Variants in PAM observed in about 807,000 individuals in gnomAD.
The protein encoded by PAM is peptidyl-glycine alpha-amidating monooxygenase.
PAM carries 72 observed loss-of-function variants against 122.1 expected under a neutral mutation model. The observed-to-expected ratio is 0.59, with a 90% CI of 0.49 to 0.72. The LOEUF is 0.72. PAM is among the 30% of genes least tolerant of loss of function. The pLI, the probability that PAM is intolerant of heterozygous loss-of-function variation, is 0.00. For missense variants in PAM, 1,106 were observed against 1,183.7 expected (o/e 0.93, Z 0.96); for synonymous variants, 389 against 404.4 (o/e 0.96, Z 0.46).
intron 1 of PAM, among the ~76,000 whole-genome samples, chr5:102,771,990 C>T (rs950005497): frequency 1.3e-5 from 2 of 152,098 alleles, no homozygotes; most frequent in Non-Finnish European, 2.9e-5. Context: ...AGAAAACCAG[C>T]TTCCTTCTGG....
chr5:102,798,698 T>A (rs549349197), intron 1 of PAM, among the ~76,000 whole-genome samples: 1 of 152,208 alleles, frequency 6.6e-6, no homozygotes, highest in African/African-American at 2.4e-5. Flanking sequence ...TAATAAAAAT[T>A]GCAAATCTGG....
At chr5:102,774,705 C>T (rs906916129) in intron 1 of PAM, among the ~76,000 whole-genome samples, 10 of 151,928 alleles carry the variant, frequency 6.6e-5, no homozygotes, top group Non-Finnish European at 1.2e-4. Flanking sequence ...TTGTTCTTTA[C>T]GTATTGATAC....
intron 16 of PAM, among the ~76,000 whole-genome samples, chr5:102,996,412 A>G (rs527420666): frequency 9.3e-4 from 142 of 152,348 alleles, no homozygotes; most frequent in African/African-American, 3.0e-3. Context: ...GCAGTTTGCT[A>G]TAGCAACGGT....
At chr5:102,903,268 T>C (rs1173260497) in intron 4 of PAM, among the ~76,000 whole-genome samples, 1 of 151,496 alleles carries the variant, frequency 6.6e-6, no homozygotes, top group Admixed American at 6.6e-5. Flanking sequence ...TCATCTTCTG[T>C]GTGAGTCCTT....
At chr5:102,828,799 T>C (rs1245540959) in intron 1 of PAM, among the ~76,000 whole-genome samples, 2 of 152,190 alleles carry the variant, frequency 1.3e-5, no homozygotes, top group African/African-American at 4.8e-5. Context: ...TACTTTTTAT[T>C]TTACAAAACA....
chr5:103,026,967 CTTTA>C (rs1490646877), intron 24 of PAM, among the ~76,000 whole-genome samples: 2 of 152,182 alleles, frequency 1.3e-5, no homozygotes, highest in African/African-American at 4.8e-5. Flanking sequence ...ATGATGCTGA[CTTTA>C]CAGGAATGTG....
At chr5:102,818,805 A>G (rs1332635022) in intron 1 of PAM, among the ~76,000 whole-genome samples, 1 of 152,052 alleles carries the variant, frequency 6.6e-6, no homozygotes, top group African/African-American at 2.4e-5. Flanking sequence ...ATTTACTTTT[A>G]TGTTCCAAAT....
At position 102,866,181 on chromosome 5, in the gene PAM, C is replaced by G. The variant is rs1375186715; in HGVS notation, c.-15C>G. On this transcript the variant is annotated 5_prime_UTR_variant, in exon 2 of 26. Transcript: ENST00000438793. The stretch of plus-strand genomic sequence containing the variant: ...CTGCCCGGTCCTCTCCCGGCGGGGT[C>G]GTATCGGCGTGGACATGGCTGGCCG... 1.3e-5 allele frequency: 21 copies of G among 1,589,504 alleles called. No individual in the cohort carries two copies. Among genetic ancestry groups the G allele is most frequent in the Non-Finnish European group, 1.7e-5 (20 of 1,159,482 alleles).
chr5:102,912,055 T>C (rs932261384), intron 4 of PAM, among the ~76,000 whole-genome samples: 1 of 152,076 alleles, frequency 6.6e-6, no homozygotes, highest in African/African-American at 2.4e-5. Context: ...TACTTCCACC[T>C]GAATTTTTAG....
chr5:102,857,361 A>C (rs904210046), intron 1 of PAM, among the ~76,000 whole-genome samples: 1 of 152,148 alleles, frequency 6.6e-6, no homozygotes, highest in Admixed American at 6.5e-5. Flanking sequence ...TCTTCAAGAG[A>C]GTGGAAATCT....
At chr5:102,872,937 G>C (rs1787994123) in intron 3 of PAM, among the ~76,000 whole-genome samples, 1 of 152,086 alleles carries the variant, frequency 6.6e-6, no homozygotes, top group Non-Finnish European at 1.5e-5. Flanking sequence ...GGTGGACGGA[G>C]GGAAAGGATT....
chr5:102,799,618 G>A (rs460586), intron 1 of PAM, among the ~76,000 whole-genome samples: 4 of 151,808 alleles, frequency 2.6e-5, no homozygotes, highest in South Asian at 2.1e-4. Flanking sequence ...AAAATGAAAC[G>A]GGTAATGAAC....
chr5:102,989,333 A>G (rs62362542), intron 15 of PAM, among the ~76,000 whole-genome samples: 49 of 152,180 alleles, frequency 3.2e-4, no homozygotes, highest in Non-Finnish European at 5.9e-4. Context: ...GTGAGATGCC[A>G]TCTCTCGAAT....
intron 16 of PAM, among the ~76,000 whole-genome samples, chr5:102,993,899 G>A (rs1249676535): frequency 6.6e-6 from 1 of 152,060 alleles, no homozygotes; most frequent in Non-Finnish European, 1.5e-5. Context: ...CTCATTGCAC[G>A]TTAAACCAGT....
At chr5:102,806,592 C>T (rs903470522) in intron 1 of PAM, among the ~76,000 whole-genome samples, 1 of 152,144 alleles carries the variant, frequency 6.6e-6, no homozygotes, top group African/African-American at 2.4e-5. Context: ...TATATATACA[C>T]ACATACACAC....
At position 102,815,683 on chromosome 5, in the gene PAM, G is replaced by A. The variant is rs901321191; in HGVS notation, c.-373-50140G>A. 7.2e-5 allele frequency among the ~76,000 whole-genome samples: 11 copies of A among 152,106 alleles called. No homozygotes were observed. In the South Asian group the frequency reaches 1.2e-3, roughly 17 times the overall value. ...AGTTGTTCTTATGCCAAAAATCAGC[G>A]TATATCTGACTTGATTGTTATCTAG... On this transcript the variant is annotated intron_variant, in intron 1 of 25. Transcript: ENST00000438793.
At chr5:102,779,918 T>TATATATATACACACACACACAC (rs147065045) in intron 1 of PAM, among the ~76,000 whole-genome samples, 2 of 95,702 alleles carry the variant, frequency 2.1e-5, no homozygotes, top group Non-Finnish European at 3.9e-5. Flanking sequence ...TATATATATA[T>TATATATATACACACACACACAC]ACACACATAT....
chr5:102,862,914 A>G (rs1285315263), intron 1 of PAM, among the ~76,000 whole-genome samples: 1 of 152,096 alleles, frequency 6.6e-6, no homozygotes, highest in Non-Finnish European at 1.5e-5. Flanking sequence ...TCTCTTATAA[A>G]TGAATACACG....
intron 7 of PAM, among the ~76,000 whole-genome samples, chr5:102,942,879 A>G (rs1057028976): frequency 2.0e-5 from 3 of 151,560 alleles, no homozygotes; most frequent in Non-Finnish European, 4.4e-5. Flanking sequence ...CCTAATTTTT[A>G]TTATTGAAGA....
Sources: gnomAD v4.1 joint callset for allele counts (sites outside exome capture counted in the v4.1 genomes callset) on GRCh38, gnomAD v4.1.1 for gene constraint, MANE v1.5 for transcripts, NCBI Gene and HGNC (gene_info 2026-07-23, HGNC 2026-07-21) for gene names.